FBXL18: variants seen among roughly 807,000 people sequenced by gnomAD.
The protein encoded by FBXL18 is F-box/LRR-repeat protein 18.
FBXL18 carries 36 observed loss-of-function variants against 46.0 expected under a neutral mutation model. The ratio of observed to expected loss-of-function variants is 0.78; its 90% CI spans 0.60 to 1.03. The LOEUF is 1.03. Among genes scored for constraint, FBXL18 ranks in the 50% least tolerant of loss-of-function variants. The pLI is 0.00. For synonymous variants in FBXL18, 557 were observed against 465.3 expected (o/e 1.20, Z -2.54); for missense variants, 977 against 1,004.1 (o/e 0.97, Z 0.36).
downstream of FBXL18, among the ~76,000 whole-genome samples, chr7:5,472,152 C>G (rs1418777522): frequency 6.6e-6 from 1 of 152,032 alleles, no homozygotes; most frequent in African/African-American, 2.4e-5. Flanking sequence ...TTCCCCCAGA[C>G]CTGGGCTGAA....
chr7:5,490,530 G>C (rs1783894783), intron 4 of FBXL18, among the ~76,000 whole-genome samples: 2 of 152,214 alleles, frequency 1.3e-5, no homozygotes, highest in Non-Finnish European at 2.9e-5. Context: ...GGGCCTTCCA[G>C]AAAGGGCCTG....
chr7:5,501,863 G>C lies in FBXL18; in HGVS notation c.406C>G (p.Leu136Val). 6.2e-7 allele frequency: 1 copy of C among 1,602,472 alleles called. No individual in the cohort carries two copies. Among genetic ancestry groups the C allele is most frequent in the Non-Finnish European group, 8.5e-7 (1 of 1,175,798 alleles). Residue 136 changes from leucine to valine, a missense_variant, in exon 3 of 5, where the codon CTC (leucine) becomes GTC (valine). Coordinates refer to ENST00000382368, the MANE Select transcript of FBXL18 (RefSeq NM_024963.6). ...TGCAGGGCCGAGAGCATCTTGGAGA[G>C]GCGCAGGGAAGTGAGGTGGCAGCCC... ...LSGCHLTSLR[L>V]SKMLSALQHL...
intron 3 of FBXL18, 38 bp from the exon 4 acceptor site, chr7:5,491,487 G>T (rs887059250): frequency 6.6e-6 from 10 of 1,505,576 alleles, no homozygotes; most frequent in Admixed American, 2.0e-5. Flanking sequence ...TCCGAGGGAG[G>T]GGCTCGCAGG....
chr7:5,475,572 A>G (rs1182753004), downstream of FBXL18, among the ~76,000 whole-genome samples: 2 of 152,172 alleles, frequency 1.3e-5, no homozygotes, highest in Non-Finnish European at 2.9e-5. This position sits in a 1 kb window ranked among gnomAD's most constrained non-coding sequence, Gnocchi z 4.2. Flanking sequence ...CCCCAGCCCA[A>G]GGCTGTCTCA....
At chr7:5,499,731 CAAA>C (rs58187609) in intron 3 of FBXL18, among the ~76,000 whole-genome samples, 1 of 115,806 alleles carries the variant, frequency 8.6e-6, no homozygotes, top group Non-Finnish European at 1.7e-5. Flanking sequence ...GACTCTGTCT[CAAA>C]AAAAAAAAAA....
chr7:5,495,756 C>T, intron 3 of FBXL18: 1 of 470,480 alleles, frequency 2.1e-6, no homozygotes, highest in Non-Finnish European at 4.4e-6. Flanking sequence ...CGAGTGCCAC[C>T]TGCTCCTTCC....
intron 4 of FBXL18, among the ~76,000 whole-genome samples, chr7:5,482,368 G>A (rs1783670012): frequency 6.6e-6 from 1 of 152,154 alleles, no homozygotes; most frequent in South Asian, 2.1e-4. Flanking sequence ...AGCCGCAGGT[G>A]GGCCACCTCA....
intron 1 of FBXL18, among the ~76,000 whole-genome samples, chr7:5,507,614 T>A (rs566490294): frequency 9.4e-4 from 143 of 151,812 alleles, no homozygotes; most frequent in African/African-American, 3.3e-3. Context: ...GGCGGGGAAA[T>A]CACAAGGTCA....
At chr7:5,475,183 G>C (rs980854123), downstream of FBXL18, among the ~76,000 whole-genome samples, 6 of 151,694 alleles carry the variant, frequency 4.0e-5, no homozygotes, top group African/African-American at 7.3e-5. The surrounding 1 kb of genome is among the most constrained non-coding windows in gnomAD (Gnocchi z 4.2). Flanking sequence ...TTAGCTGGGC[G>C]TGGTGGTGGG....
intron 4 of FBXL18, among the ~76,000 whole-genome samples, chr7:5,466,035 C>G (rs917329276): frequency 6.6e-6 from 1 of 152,022 alleles, no homozygotes; most frequent in African/African-American, 2.4e-5. Flanking sequence ...GCAGGCTGGT[C>G]TTGAACTCCT....
chr7:5,511,479 G>C (rs1040190305), intron 1 of FBXL18, among the ~76,000 whole-genome samples: 1 of 151,994 alleles, frequency 6.6e-6, no homozygotes, highest in African/African-American at 2.4e-5. Context: ...AGTGGCACGC[G>C]CCTGTAATCC....
At chr7:5,503,732 G>C (rs925431667) in intron 2 of FBXL18, among the ~76,000 whole-genome samples, 7 of 152,082 alleles carry the variant, frequency 4.6e-5, no homozygotes, top group African/African-American at 1.7e-4. Flanking sequence ...ACTTTGGGAG[G>C]CTGAAATGGG....
chr7:5,462,060 T>G (rs4263645), intron 4 of FBXL18, among the ~76,000 whole-genome samples: 120,866 of 152,076 alleles, frequency 0.79, 48,838 homozygotes, highest in East Asian at 0.95. Flanking sequence ...GCCAACACAG[T>G]GAAGCCCCGT....
chr7:5,467,202 T>C lies in FBXL18; in HGVS notation c.2001-19359A>G, dbSNP rs144203183. Reference sequence around the variant, plus strand: ...CCGTCTCTACTAAAAATACAAAAAATTAGCCAGGCGCGGTGGCGAGCGCCT... The same window carrying C: ...CCGTCTCTACTAAAAATACAAAAAACTAGCCAGGCGCGGTGGCGAGCGCCT... On this transcript the variant is annotated intron_variant and NMD_transcript_variant, in intron 4 of 6. Coordinates refer to the FBXL18 transcript ENST00000415009. Among the ~76,000 whole-genome samples, 757 of 152,052 alleles carry C rather than the reference T, an allele frequency of 5.0e-3. 9 individuals are homozygous for C. Among genetic ancestry groups the C allele is most frequent in the African/African-American group, 0.017 (725 of 41,490 alleles).
intron 4 of FBXL18, among the ~76,000 whole-genome samples, chr7:5,462,218 ACT>A (rs1486426274): frequency 1.3e-5 from 2 of 152,086 alleles, no homozygotes; most frequent in Admixed American, 1.3e-4. Context: ...ACAGAGTGAG[ACT>A]CTGTCTCCAA....
chr7:5,493,664 T>TGTGC (rs749853034), intron 3 of FBXL18, among the ~76,000 whole-genome samples: 15 of 108,944 alleles, frequency 1.4e-4, no homozygotes, highest in South Asian at 6.7e-4. Context: ...TTTGTGTGTG[T>TGTGC]GTGCGTGCGT....
chr7:5,501,941 A>G lies in FBXL18; in HGVS notation c.328T>C (p.Ser110Pro). 1 of 1,604,664 alleles carries G rather than the reference A, an allele frequency of 6.2e-7. No individual in the cohort carries two copies. Among genetic ancestry groups the G allele is most frequent in the Non-Finnish European group, 8.5e-7 (1 of 1,176,858 alleles). ...SMAGCYWLPG[S>P]TVEHVARCRS... The stretch of plus-strand genomic sequence containing the variant: ...CAGCGGGCCACGTGTTCCACGGTGG[A>G]GCCAGGCAGCCAGTAGCAGCCAGCC... The change falls in exon 3 of 5, where the codon TCC becomes CCC. Residue 110 changes from serine to proline, a missense_variant. Coordinates refer to ENST00000382368, the MANE Select transcript of FBXL18 (RefSeq NM_024963.6).
At chr7:5,457,270 T>A (rs937299410) in intron 4 of FBXL18, among the ~76,000 whole-genome samples, 1 of 152,218 alleles carries the variant, frequency 6.6e-6, no homozygotes, top group African/African-American at 2.4e-5. Flanking sequence ...GTGACTACTC[T>A]AAGCAAATCA....
At chr7:5,499,964 C>T (rs1331268135) in intron 3 of FBXL18, among the ~76,000 whole-genome samples, 1 of 151,700 alleles carries the variant, frequency 6.6e-6, no homozygotes, top group Non-Finnish European at 1.5e-5. Flanking sequence ...ACTTGATAGG[C>T]TGAGGTAGGA....
Sources: allele counts gnomAD v4.1 joint callset (sites outside exome capture counted in the v4.1 genomes callset), GRCh38; gene constraint gnomAD v4.1.1; non-coding constraint Gnocchi (gnomAD v3.1); transcripts MANE v1.5; gene names NCBI Gene and HGNC (gene_info 2026-07-23, HGNC 2026-07-21).